Variants in NRXN1 observed in about 807,000 individuals in gnomAD.
NRXN1 encodes the protein neurexin 1.
A neutral mutation model predicts 150.9 loss-of-function variants in NRXN1; 39 were observed. The ratio of observed to expected loss-of-function variants is 0.26; its 90% CI spans 0.20 to 0.34. The LOEUF is 0.34. NRXN1 is among the 10% of genes least tolerant of loss of function. The pLI is 1.00. For missense variants in NRXN1, 1,815 were observed against 1,949.9 expected, an observed-to-expected ratio of 0.93 and a Z score of 1.30; for synonymous variants, 924 against 757.0, an observed-to-expected ratio of 1.22 and a Z score of -3.62.
intron 18 of NRXN1, among the ~76,000 whole-genome samples, chr2:50,167,390 C>A (rs930466418): frequency 6.6e-6 from 1 of 152,076 alleles, no homozygotes; most frequent in African/African-American, 2.4e-5. Context: ...GCCATTTCAT[C>A]TTGTCCTGCC....
intron 18 of NRXN1, among the ~76,000 whole-genome samples, chr2:50,162,546 C>A (rs960825140): frequency 6.6e-6 from 1 of 151,638 alleles, no homozygotes; most frequent in Non-Finnish European, 1.5e-5. Context: ...AGAAATGGAA[C>A]CAGAAGATTA....
intron 21 of NRXN1, among the ~76,000 whole-genome samples, chr2:49,991,506 T>A (rs769242268): frequency 1.3e-5 from 2 of 152,020 alleles, no homozygotes; most frequent in African/African-American, 2.4e-5. Context: ...ATGAAACACA[T>A]AGATGTAAAT....
intron 2 of NRXN1, among the ~76,000 whole-genome samples, chr2:50,973,694 C>T (rs1161149518): frequency 1.3e-5 from 2 of 151,958 alleles, no homozygotes; most frequent in African/African-American, 2.4e-5. Flanking sequence ...TATCAGACAT[C>T]CTTGGGGCAA....
intron 16 of NRXN1, among the ~76,000 whole-genome samples, chr2:50,467,069 G>A (rs1305873432): frequency 6.6e-6 from 1 of 151,720 alleles, no homozygotes; most frequent in East Asian, 1.9e-4. Context: ...TAGGAAGGAT[G>A]GAAGAAATAA....
chr2:50,898,323 A>G (rs1280390711), intron 5 of NRXN1, among the ~76,000 whole-genome samples: 2 of 152,128 alleles, frequency 1.3e-5, no homozygotes, highest in African/African-American at 2.4e-5. Flanking sequence ...TGTAACTATC[A>G]AAGATTTTAA....
chr2:50,932,180 G>A (rs1687850219), intron 2 of NRXN1, among the ~76,000 whole-genome samples: 1 of 152,016 alleles, frequency 6.6e-6, no homozygotes, highest in South Asian at 2.1e-4. Flanking sequence ...TTGGTGTCAG[G>A]AGTTCGAGAC....
intron 18 of NRXN1, among the ~76,000 whole-genome samples, chr2:50,125,645 A>G (rs949197568): frequency 6.6e-6 from 1 of 152,126 alleles, no homozygotes; most frequent in Non-Finnish European, 1.5e-5. Flanking sequence ...TTTTGGTTAC[A>G]GTTAAGCTTT....
chr2:50,156,495 G>T (rs181330575), intron 18 of NRXN1, among the ~76,000 whole-genome samples: 1,768 of 151,880 alleles, frequency 0.012, 22 homozygotes, highest in Non-Finnish European at 0.018. Flanking sequence ...TTATCTTACG[G>T]GTTACCTCAA....
At chr2:50,978,720 T>C (rs1320522504) in intron 2 of NRXN1, among the ~76,000 whole-genome samples, 1 of 152,064 alleles carries the variant, frequency 6.6e-6, no homozygotes, top group Non-Finnish European at 1.5e-5. Context: ...CACGTCTATT[T>C]GATATTCAGA....
intron 5 of NRXN1, among the ~76,000 whole-genome samples, chr2:50,774,763 C>A (rs1703404094): frequency 6.6e-6 from 1 of 152,052 alleles, no homozygotes; most frequent in South Asian, 2.1e-4. Context: ...TCTGGACAAT[C>A]TGGTTGTATC....
chr2:49,990,498 T>C (rs1681742237), intron 21 of NRXN1, among the ~76,000 whole-genome samples: 2 of 152,184 alleles, frequency 1.3e-5, no homozygotes, highest in Non-Finnish European at 2.9e-5. Context: ...AAGATCATCC[T>C]GTATGTTCCA....
chr2:50,502,081 C>A (rs2091975775), intron 13 of NRXN1, among the ~76,000 whole-genome samples: 1 of 152,118 alleles, frequency 6.6e-6, no homozygotes, highest in African/African-American at 2.4e-5. Flanking sequence ...AAATCTCAAT[C>A]TAAAGCTTTC....
At chr2:50,985,393 A>G (rs1022563665) in intron 2 of NRXN1, 1 of 151,956 alleles carries the variant, frequency 6.6e-6, no homozygotes, top group Non-Finnish European at 1.5e-5. Context: ...AAGAAAAACC[A>G]TAACGGAATC....
At chr2:50,579,838 A>G (rs1208711650) in intron 8 of NRXN1, among the ~76,000 whole-genome samples, 3 of 151,914 alleles carry the variant, frequency 2.0e-5, no homozygotes, top group South Asian at 2.1e-4. Flanking sequence ...GGAAAAAGCA[A>G]TTGAACATCA....
chr2:50,058,608 T>C (rs184375547), intron 19 of NRXN1, among the ~76,000 whole-genome samples: 40 of 152,330 alleles, frequency 2.6e-4, no homozygotes, highest in Non-Finnish European at 4.4e-4. Flanking sequence ...CAAAATTATA[T>C]GCAGATACAT....
intron 18 of NRXN1, among the ~76,000 whole-genome samples, chr2:50,216,231 A>C (rs2063389195): frequency 1.3e-5 from 2 of 151,966 alleles, no homozygotes; most frequent in African/African-American, 2.4e-5. Flanking sequence ...AAAAATAAAT[A>C]ATTAAATTAA....
At chr2:50,659,582 C>G (rs1185395668) in intron 5 of NRXN1, among the ~76,000 whole-genome samples, 1 of 151,634 alleles carries the variant, frequency 6.6e-6, no homozygotes, top group Non-Finnish European at 1.5e-5. Context: ...TTATAAATTT[C>G]TTTACATTTA....
intron 16 of NRXN1, among the ~76,000 whole-genome samples, chr2:50,466,851 T>C (rs1282369513): frequency 6.6e-6 from 1 of 151,816 alleles, no homozygotes; most frequent in Non-Finnish European, 1.5e-5. Flanking sequence ...GCACCATTCA[T>C]CATGTGCAGA....
intron 8 of NRXN1, chr2:50,619,760 T>C: frequency 4.8e-6 from 2 of 415,082 alleles, no homozygotes; most frequent in Admixed American, 8.5e-5. Flanking sequence ...TTTGACTTTC[T>C]TTTATAGCTA....
Sources: gnomAD v4.1 joint callset for allele counts (sites outside exome capture counted in the v4.1 genomes callset) on GRCh38, gnomAD v4.1.1 for gene constraint, MANE v1.5 for transcripts, NCBI Gene and HGNC (gene_info 2026-07-23, HGNC 2026-07-21) for gene names.